The following TLL2 variants were observed in gnomAD, a reference collection of about 807,000 sequenced individuals.
The protein encoded by TLL2 is tolloid-like protein 2.
A neutral mutation model predicts 123.0 loss-of-function variants in TLL2; 106 were observed. That is an observed-to-expected ratio of 0.86 (90% CI 0.74 to 1.01). The LOEUF is 1.01. Ranked by LOEUF, TLL2 falls within the 50% of genes least tolerant of loss-of-function variation. The pLI is 0.00. For missense variants in TLL2, 1,332 were observed against 1,336.7 expected (o/e 1.00, Z 0.06); for synonymous variants, 494 against 516.8 (o/e 0.96, Z 0.60).
chr10:96,481,796 C>T (rs1017759149), intron 1 of TLL2, among the ~76,000 whole-genome samples: 1 of 152,046 alleles, frequency 6.6e-6, no homozygotes, highest in Non-Finnish European at 1.5e-5. Context: ...ATAAGAATGA[C>T]AAAGAATAGA....
intron 18 of TLL2, among the ~76,000 whole-genome samples, chr10:96,374,964 G>A (rs1410754983): frequency 2.2e-5 from 1 of 45,248 alleles, no homozygotes; most frequent in Admixed American, 2.4e-4. Flanking sequence ...TTAGTTGCGG[G>A]GGGGGGGGGG....
chr10:96,459,508 G>A (rs1299303488), intron 2 of TLL2, among the ~76,000 whole-genome samples: 3 of 149,852 alleles, frequency 2.0e-5, no homozygotes, highest in Non-Finnish European at 3.0e-5. Flanking sequence ...GTGAAACCCC[G>A]TCTCCACTGA....
intron 1 of TLL2, among the ~76,000 whole-genome samples, chr10:96,500,690 G>A (rs1847525571): frequency 6.6e-6 from 1 of 151,906 alleles, no homozygotes; most frequent in Non-Finnish European, 1.5e-5. Context: ...AGGAGGTTAA[G>A]TGGGAGGATC....
chr10:96,446,627 T>C (rs151128782), intron 2 of TLL2, among the ~76,000 whole-genome samples: 1 of 152,334 alleles, frequency 6.6e-6, no homozygotes, highest in African/African-American at 2.4e-5. Flanking sequence ...CTGCCTTTGT[T>C]ACCCTGTGCA....
intron 3 of TLL2, 47 bp downstream of exon 3, chr10:96,446,044 C>T (rs1328042765): frequency 6.3e-7 from 1 of 1,591,942 alleles, no homozygotes; most frequent in Non-Finnish European, 8.6e-7. Flanking sequence ...TTTTCCACAA[C>T]TGAAAGAAAA....
At chr10:96,467,901 G>A (rs549136583) in intron 2 of TLL2, among the ~76,000 whole-genome samples, 6 of 152,312 alleles carry the variant, frequency 3.9e-5, no homozygotes, top group South Asian at 2.1e-4. Flanking sequence ...TATGATACAC[G>A]TGATCCCCAG....
chr10:96,424,321 T>C (rs988250607), intron 5 of TLL2, among the ~76,000 whole-genome samples: 2 of 152,196 alleles, frequency 1.3e-5, no homozygotes, highest in African/African-American at 4.8e-5. Flanking sequence ...TGTAACTGGA[T>C]TGTTTGTAAG....
At chr10:96,483,651 C>T (rs1273918451) in intron 1 of TLL2, among the ~76,000 whole-genome samples, 1 of 152,104 alleles carries the variant, frequency 6.6e-6, no homozygotes, top group Non-Finnish European at 1.5e-5. Context: ...AGCCTGGTAC[C>T]ATGACTGGAC....
chr10:96,476,240 A>ATATATATATTCTTTTTTTTTT, intron 2 of TLL2, among the ~76,000 whole-genome samples: 2 of 20,502 alleles, frequency 9.8e-5, no homozygotes, highest in African/African-American at 1.7e-4. Flanking sequence ...ATATATATAT[A>ATATATATATTCTTTTTTTTTT]TTTTATTTTT....
Position 96,395,267 on chromosome 10 carries a change from G to T in TLL2, c.1646C>A (p.Ser549Ter), listed in dbSNP as rs771016974. The T allele has an allele frequency of 6.2e-7, 1 of 1,613,970 alleles. No homozygotes were observed. Among genetic ancestry groups the T allele is most frequent in the Non-Finnish European group, 8.5e-7 (1 of 1,179,990 alleles). ...CTTCATCCACAGTCTGTTGGAGCTC[G>T]ATTTCACATCCTCCGGCTTCTCATA... The part of the protein sequence containing the change: ...CGYEKPEDVK[S>*]SSNRLWMKFV... Residue 549 changes from serine to a stop codon, truncating the protein, a stop_gained, in exon 13 of 21, where the codon TCG (serine) becomes TAG (stop). Transcript: ENST00000357947. LOFTEE classifies it high-confidence loss of function.
intron 5 of TLL2, among the ~76,000 whole-genome samples, chr10:96,425,646 TA>T (rs1224046388): frequency 6.6e-6 from 1 of 152,004 alleles, no homozygotes; most frequent in African/African-American, 2.4e-5. Flanking sequence ...TGTATCAAAC[TA>T]TTTCATGTAT....
intron 3 of TLL2, among the ~76,000 whole-genome samples, chr10:96,439,747 T>C (rs753739749): frequency 6.6e-6 from 1 of 152,186 alleles, no homozygotes; most frequent in Non-Finnish European, 1.5e-5. Context: ...TGTAATACAC[T>C]GTTAAACCTG....
intron 9 of TLL2, among the ~76,000 whole-genome samples, chr10:96,406,285 A>G (rs777720997): frequency 2.6e-5 from 4 of 152,024 alleles, no homozygotes; most frequent in Non-Finnish European, 5.9e-5. Flanking sequence ...CGCAAGTTCC[A>G]CTAAACCAGG....
chr10:96,501,586 C>T (rs1415076717), intron 1 of TLL2, among the ~76,000 whole-genome samples: 1 of 152,358 alleles, frequency 6.6e-6, no homozygotes, highest in African/African-American at 2.4e-5. Flanking sequence ...AAGCTTATTT[C>T]AATCCTGTCA....
At chr10:96,406,215 G>A (rs1478472398) in intron 9 of TLL2, among the ~76,000 whole-genome samples, 7 of 151,976 alleles carry the variant, frequency 4.6e-5, no homozygotes, top group African/African-American at 1.7e-4. Flanking sequence ...CACCAGCTCG[G>A]GGCTCCCCTG....
chr10:96,468,964 T>C (rs1847153913), intron 2 of TLL2, among the ~76,000 whole-genome samples: 2 of 152,264 alleles, frequency 1.3e-5, no homozygotes, highest in Non-Finnish European at 2.9e-5. Flanking sequence ...GCATTCTTTT[T>C]CCTTCCCAAA....
intron 13 of TLL2, among the ~76,000 whole-genome samples, chr10:96,390,806 C>T (rs1469245277): frequency 1.3e-5 from 2 of 152,178 alleles, no homozygotes; most frequent in African/African-American, 4.8e-5. Context: ...AGCCCCCAGC[C>T]ACATGTGGCT....
At chr10:96,495,409 A>G (rs1455225545) in intron 1 of TLL2, among the ~76,000 whole-genome samples, 1 of 152,168 alleles carries the variant, frequency 6.6e-6, no homozygotes, top group Non-Finnish European at 1.5e-5. Flanking sequence ...TTTTAGTAAA[A>G]AGTTAATCGG....
In TLL2 at chr10:96,368,147, C is replaced by T. The variant is rs1256959973; in HGVS notation, c.2989G>A (p.Gly997Ser). The T allele has an allele frequency of 1.2e-6, 2 of 1,614,210 alleles. No homozygotes were observed. Among genetic ancestry groups the T allele is most frequent in the Non-Finnish European group, 8.5e-7 (1 of 1,180,044 alleles). Reference protein sequence around the residue: ...FRTDDTINKKGFHARYTSTKF... With the variant: ...FRTDDTINKKSFHARYTSTKF... ...GTGCTGGTGTATCGGGCATGAAAGC[C>T]TTTCTTGTTGATGGTGTCATCTGTG... Residue 997 changes from glycine (G) to serine (S), a missense_variant, in exon 21 of 21, where the codon GGC becomes AGC. By Grantham distance (56) the Gly-to-Ser change is moderately conservative. Coordinates refer to ENST00000357947, the MANE Select transcript of TLL2 (RefSeq NM_012465.4).
Sources: gnomAD v4.1 joint callset for allele counts (sites outside exome capture counted in the v4.1 genomes callset) on GRCh38, gnomAD v4.1.1 for gene constraint, MANE v1.5 for transcripts, NCBI Gene and HGNC (gene_info 2026-07-23, HGNC 2026-07-21) for gene names.